The following NPAS3 variants were observed in gnomAD, a reference collection of about 807,000 sequenced individuals.
NPAS3 encodes neuronal PAS domain-containing protein 3.
A neutral mutation model predicts 73.1 loss-of-function variants in NPAS3; 14 were observed. That is an observed-to-expected ratio of 0.19 (90% CI 0.13 to 0.30). The LOEUF is 0.30. Among genes scored for constraint, NPAS3 ranks in the 10% least tolerant of loss-of-function variants. NPAS3 has a pLI of 1.00. For missense variants in NPAS3, 1,096 were observed against 1,250.0 expected (o/e 0.88, Z 1.86); for synonymous variants, 620 against 541.5 (o/e 1.14, Z -2.01).
At chr14:33,559,720 G>A (rs1043011999) in intron 4 of NPAS3, among the ~76,000 whole-genome samples, 1 of 152,136 alleles carries the variant, frequency 6.6e-6, no homozygotes, top group African/African-American at 2.4e-5. Context: ...GAGAAAAGAC[G>A]GTCTTAAATT....
chr14:33,319,644 G>GA (rs149664312), intron 3 of NPAS3, among the ~76,000 whole-genome samples: 5,162 of 151,060 alleles, frequency 0.034, 269 homozygotes, highest in East Asian at 0.19. Context: ...TATGGGGTTG[G>GA]AAAAAAAAAT....
chr14:33,290,766 G>A (rs929588004), intron 3 of NPAS3, among the ~76,000 whole-genome samples: 10 of 152,202 alleles, frequency 6.6e-5, no homozygotes, highest in Non-Finnish European at 8.8e-5. Flanking sequence ...GTTTGCCACA[G>A]AGCTCAGAGA....
chr14:33,059,781 C>T (rs1173294883), intron 2 of NPAS3, among the ~76,000 whole-genome samples: 1 of 152,152 alleles, frequency 6.6e-6, no homozygotes, highest in Non-Finnish European at 1.5e-5. Flanking sequence ...AAAGACACCC[C>T]TTCCATACTA....
At chr14:33,324,234 G>A (rs2043588305) in intron 3 of NPAS3, among the ~76,000 whole-genome samples, 1 of 152,164 alleles carries the variant, frequency 6.6e-6, no homozygotes, top group South Asian at 2.1e-4. Flanking sequence ...CTGAGCTTTT[G>A]TAACGCCGGA....
intron 3 of NPAS3, among the ~76,000 whole-genome samples, chr14:33,361,677 G>A (rs2045608372): frequency 6.6e-6 from 1 of 152,110 alleles, no homozygotes; most frequent in African/African-American, 2.4e-5. Context: ...AATTTCAATT[G>A]CATTATTGGA....
intron 3 of NPAS3, among the ~76,000 whole-genome samples, chr14:33,259,038 C>G (rs1566732625): frequency 6.6e-6 from 1 of 152,194 alleles, no homozygotes; most frequent in Non-Finnish European, 1.5e-5. Context: ...TGGTCTCGAT[C>G]TCCTGACCTC....
chr14:33,674,450 CATTTT>C (rs1385951646), intron 5 of NPAS3, among the ~76,000 whole-genome samples: 2 of 152,204 alleles, frequency 1.3e-5, no homozygotes, highest in Non-Finnish European at 2.9e-5. Context: ...TTAAAACACA[CATTTT>C]ATTAGTTCCA....
chr14:33,365,067 G>GC (rs906247181), intron 3 of NPAS3, among the ~76,000 whole-genome samples: 5 of 151,142 alleles, frequency 3.3e-5, no homozygotes, highest in South Asian at 4.2e-4. Flanking sequence ...TCCCTGAAGT[G>GC]CCCCCCCAAA....
At chr14:33,303,835 G>A (rs1424017002) in intron 3 of NPAS3, among the ~76,000 whole-genome samples, 1 of 152,242 alleles carries the variant, frequency 6.6e-6, no homozygotes, top group East Asian at 1.9e-4. Context: ...TTGTCTTGTT[G>A]TGGTTTGATT....
intron 1 of NPAS3, among the ~76,000 whole-genome samples, chr14:33,054,697 C>T (rs542573974): frequency 6.6e-6 from 1 of 151,086 alleles, no homozygotes; most frequent in African/African-American, 2.4e-5. Context: ...ATTGCAAACT[C>T]TGCCTCCCAG....
intron 5 of NPAS3, among the ~76,000 whole-genome samples, chr14:33,670,986 A>G (rs541128190): frequency 6.7e-6 from 1 of 150,368 alleles, no homozygotes; most frequent in East Asian, 2.0e-4. Flanking sequence ...TAGGTTTTAA[A>G]TGACCCTTTC....
chr14:33,802,376 T>TAAAAAAAAAAA (rs71293230), downstream of NPAS3: 74 of 95,314 alleles, frequency 7.8e-4, no homozygotes, highest in East Asian at 1.0e-3. Flanking sequence ...GCACATTAAG[T>TAAAAAAAAAAA]AAAAAAAAAA....
chr14:33,452,608 TA>T (rs1166087261), intron 4 of NPAS3, among the ~76,000 whole-genome samples: 2 of 151,130 alleles, frequency 1.3e-5, no homozygotes, highest in Non-Finnish European at 3.0e-5. Context: ...CCGTCTCTAC[TA>T]AAAAATACAA....
intron 3 of NPAS3, among the ~76,000 whole-genome samples, chr14:33,307,309 A>T (rs894575801): frequency 1.3e-5 from 2 of 152,222 alleles, no homozygotes; most frequent in Admixed American, 6.5e-5. Context: ...CATATGTGCA[A>T]CTGATACTAA....
chr14:32,965,847 A>G (rs541503669), intron 1 of NPAS3, among the ~76,000 whole-genome samples: 2 of 152,166 alleles, frequency 1.3e-5, no homozygotes, highest in African/African-American at 4.8e-5. Flanking sequence ...TGGGACTAAA[A>G]AACAAATTTA....
intron 4 of NPAS3, among the ~76,000 whole-genome samples, chr14:33,463,918 T>C (rs1057147621): frequency 5.3e-5 from 8 of 152,220 alleles, no homozygotes; most frequent in African/African-American, 1.7e-4. Context: ...TGGCTTGTGG[T>C]CAGTCCTCAG....
chr14:33,616,822 T>C (rs2057933983), intron 5 of NPAS3, among the ~76,000 whole-genome samples: 1 of 152,210 alleles, frequency 6.6e-6, no homozygotes, highest in African/African-American at 2.4e-5. Context: ...TGTTTAGAGA[T>C]ACCTCAACAT....
chr14:33,287,506 G>GCTGCTGTTACCTACTCCATGC (rs1257901038), intron 3 of NPAS3, among the ~76,000 whole-genome samples: 1 of 152,096 alleles, frequency 6.6e-6, no homozygotes, highest in Non-Finnish European at 1.5e-5. Context: ...ACTCCACGTG[G>GCTGCTGTTACCTACTCCATGC]CTGCTGTTAC....
intron 9 of NPAS3, among the ~76,000 whole-genome samples, chr14:33,782,685 C>T (rs1226152314): frequency 6.6e-6 from 1 of 152,066 alleles, no homozygotes; most frequent in Non-Finnish European, 1.5e-5. Context: ...GCAGTTTTTT[C>T]CTTCCTAGCA....
Sources: allele counts gnomAD v4.1 joint callset (sites outside exome capture counted in the v4.1 genomes callset), GRCh38; gene constraint gnomAD v4.1.1; transcripts MANE v1.5; gene names NCBI Gene and HGNC (gene_info 2026-07-23, HGNC 2026-07-21).